STRN4: variants seen among roughly 807,000 people sequenced by gnomAD.
The protein encoded by STRN4 is striatin-4.
A neutral mutation model predicts 77.9 loss-of-function variants in STRN4; 27 were observed. The observed-to-expected ratio is 0.35, with a 90% CI of 0.26 to 0.48. The LOEUF is 0.48. Ranked by LOEUF, STRN4 falls within the 20% of genes least tolerant of loss-of-function variation. STRN4 has a pLI of 0.99. For synonymous variants in STRN4, 466 were observed against 443.1 expected (o/e 1.05, Z -0.65); for missense variants, 798 against 1,049.7 (o/e 0.76, Z 3.31).
Position 46,725,660 on chromosome 19 carries a change from G to C in STRN4, c.1249-12C>G. The C allele has an allele frequency of 6.2e-7, 1 of 1,612,632 alleles. No individual in the cohort carries two copies. Among genetic ancestry groups the C allele is most frequent in the African/African-American group, 1.3e-5 (1 of 75,002 alleles). On this transcript the variant is annotated splice_polypyrimidine_tract_variant and intron_variant, in intron 9 of 17. Transcript: ENST00000263280. ...TTGCTGTCAGACAGCTGGGGTTGGGGGGAGCTGCCTCAGTGTCTTCGCATC... is the reference window on the plus strand; with the variant it reads ...TTGCTGTCAGACAGCTGGGGTTGGGCGGAGCTGCCTCAGTGTCTTCGCATC...
chr19:46,727,699 G>A (rs2054151583), intron 8 of STRN4, 153 bp from the exon 9 acceptor site: 4 of 750,222 alleles, frequency 5.3e-6, no homozygotes, highest in Non-Finnish European at 6.6e-6. Context: ...CAGCTGGAAA[G>A]AGACAGAGAG....
intron 9 of STRN4, among the ~76,000 whole-genome samples, chr19:46,726,867 G>A (rs1003804692): frequency 2.6e-5 from 4 of 152,124 alleles, no homozygotes; most frequent in African/African-American, 9.7e-5. Flanking sequence ...ACTTCCCCAA[G>A]ATGAAATGAC....
At chr19:46,726,339 T>G (rs2054113080) in intron 9 of STRN4, 1 of 152,040 alleles carries the variant, frequency 6.6e-6, no homozygotes, top group South Asian at 2.1e-4. Context: ...AGGCTCAGAT[T>G]AGGGGCAGGT....
chr19:46,737,662 A>G (rs1313347906), intron 3 of STRN4, among the ~76,000 whole-genome samples: 1 of 152,102 alleles, frequency 6.6e-6, no homozygotes, highest in Non-Finnish European at 1.5e-5. Flanking sequence ...CTGCTGGGGA[A>G]CGGAGTCATC....
intron 3 of STRN4, among the ~76,000 whole-genome samples, chr19:46,737,642 C>T (rs2054394665): frequency 1.3e-5 from 2 of 152,028 alleles, no homozygotes; most frequent in Non-Finnish European, 2.9e-5. Context: ...TGCTCTCTCC[C>T]CTGACTCTCC....
intron 5 of STRN4, 85 bp downstream of exon 5, chr19:46,732,954 G>T (rs1407809215): frequency 1.7e-5 from 26 of 1,493,826 alleles, no homozygotes; most frequent in Non-Finnish European, 2.3e-5. Flanking sequence ...AGGGCACCCA[G>T]CGCCATCAGC....
intron 6 of STRN4, among the ~76,000 whole-genome samples, chr19:46,729,793 C>T (rs897512087): frequency 1.3e-5 from 2 of 152,218 alleles, no homozygotes; most frequent in Admixed American, 6.5e-5. Context: ...TGGGCACCAG[C>T]TCATTCTAAT....
intron 1 of STRN4, among the ~76,000 whole-genome samples, chr19:46,744,869 C>T (rs1266638554): frequency 6.6e-6 from 1 of 152,046 alleles, no homozygotes; most frequent in Non-Finnish European, 1.5e-5. Context: ...CAAATCCGGA[C>T]ATCTCCATGG....
In STRN4 at chr19:46,722,884, C is replaced by T. The variant is rs1355407905; in HGVS notation, c.1832G>A (p.Arg611His). Reference sequence around the variant, plus strand: ...GTCATACAAGACGGTGTCGCCAGAGCGGAAGGAGGCCACGATGTGGGCAGG... The same window carrying T: ...GTCATACAAGACGGTGTCGCCAGAGTGGAAGGAGGCCACGATGTGGGCAGG... ...TEPAHIVASF[R>H]SGDTVLYDME... The change falls in exon 14 of 18, where the codon CGC (arginine) becomes CAC (histidine). Residue 611 changes from arginine (R) to histidine (H), a missense_variant. Physicochemically the swap from Arg to His is conservative, Grantham distance 29. Transcript: ENST00000263280. 1.1e-5 allele frequency: 17 copies of T among 1,613,842 alleles called. No homozygotes were observed. Among genetic ancestry groups the T allele is most frequent in the Middle Eastern group, 1.6e-4 (1 of 6,084 alleles).
chr19:46,722,105 T>C, intron 15 of STRN4, 33 bp from the exon 16 acceptor site: 1 of 1,610,574 alleles, frequency 6.2e-7, no homozygotes, highest in Non-Finnish European at 8.5e-7. Flanking sequence ...CAGGTTCCCC[T>C]CCCACTCTGG....
At position 46,727,707 on chromosome 19, in the gene STRN4, GAGAC is replaced by G. The variant is rs755732210; in HGVS notation, c.1154-165_1154-162del. The stretch of plus-strand genomic sequence containing the variant: ...AGAATCACAGCTGGAAAGAGACAGA[GAGAC>G]AGACAGGGCAGGACAGACAAAAAGA... On this transcript the variant is annotated intron_variant, in intron 8 of 17. Coordinates refer to ENST00000263280, the MANE Select transcript of STRN4 (RefSeq NM_013403.3). 4.2e-5 allele frequency: 32 copies of G among 756,382 alleles called. No individual in the cohort carries two copies. In the East Asian group the frequency reaches 4.6e-4, roughly 11 times the overall value. 46.9% of individuals were successfully genotyped at this position (756,382 alleles called of 1,614,324 possible). A position where few individuals can be genotyped will look rare whatever the true frequency, so the allele number is the denominator to read the frequency against.
chr19:46,737,898 C>T (rs2122362519), intron 3 of STRN4, among the ~76,000 whole-genome samples: 1 of 152,280 alleles, frequency 6.6e-6, no homozygotes, highest in Non-Finnish European at 1.5e-5. Flanking sequence ...GCGCCCACTC[C>T]TCGCAAAGGG....
At chr19:46,726,814 G>A (rs1346968390) in intron 9 of STRN4, among the ~76,000 whole-genome samples, 2 of 152,126 alleles carry the variant, frequency 1.3e-5, no homozygotes, top group African/African-American at 2.4e-5. Context: ...CTGCTACTGT[G>A]TGGTTCACTC....
At chr19:46,732,842 G>T in intron 5 of STRN4, 197 bp downstream of exon 5, 1 of 644,328 alleles carries the variant, frequency 1.6e-6, no homozygotes. Context: ...GGCGAAGTGT[G>T]TGGAGGGAAC....
intron 12 of STRN4, among the ~76,000 whole-genome samples, chr19:46,724,360 G>C (rs2054056211): frequency 6.6e-6 from 1 of 150,856 alleles, no homozygotes; most frequent in South Asian, 2.1e-4. Context: ...CAAAGAGAAA[G>C]CCCCAACGCG....
intron 5 of STRN4, chr19:46,732,831 T>A: frequency 1.7e-6 from 1 of 600,654 alleles, no homozygotes; most frequent in Non-Finnish European, 2.9e-6. Flanking sequence ...GATGAGGCCA[T>A]GGCGAAGTGT....
chr19:46,742,458 C>A (rs917169841), intron 1 of STRN4, among the ~76,000 whole-genome samples: 1 of 152,152 alleles, frequency 6.6e-6, no homozygotes, highest in East Asian at 1.9e-4. Flanking sequence ...GAAGTCACAC[C>A]GTCTGTTAGC....
intron 3 of STRN4, among the ~76,000 whole-genome samples, chr19:46,737,884 C>A (rs1411716183): frequency 6.6e-6 from 1 of 152,282 alleles, no homozygotes; most frequent in African/African-American, 2.4e-5. Flanking sequence ...TATAAATAGC[C>A]CTGGCGCCCA....
intron 1 of STRN4, 44 bp downstream of exon 1, chr19:46,746,105 G>A (rs2054594224): frequency 1.4e-6 from 2 of 1,441,716 alleles, no homozygotes; most frequent in African/African-American, 1.5e-5. Flanking sequence ...GGCCGGGCCG[G>A]GCCGGGCCGG....
Sources: allele counts gnomAD v4.1 joint callset (sites outside exome capture counted in the v4.1 genomes callset), GRCh38; gene constraint gnomAD v4.1.1; transcripts MANE v1.5; gene names NCBI Gene and HGNC (gene_info 2026-07-23, HGNC 2026-07-21).